OR51L1: variants seen among roughly 807,000 people sequenced by gnomAD.
OR51L1 encodes the protein olfactory receptor family 51 subfamily L member 1, also known as olfactory receptor 51L1.
In OR51L1, 1 loss-of-function variant was observed where a neutral mutation model predicts 1.4. The ratio of observed to expected loss-of-function variants is 0.72; its 90% CI spans 0.26 to 3.42. The LOEUF is 3.42. OR51L1 is among the 30% of genes most tolerant of loss of function. The pLI is 0.20. For missense variants in OR51L1, 378 were observed against 380.0 expected (o/e 0.99, Z 0.04); for synonymous variants, 156 against 144.2 (o/e 1.08, Z -0.59).
intron 2 of OR51L1, among the ~76,000 whole-genome samples, 173 bp downstream of exon 2, chr11:4,997,756 T>C (rs990425016): frequency 6.6e-6 from 1 of 152,174 alleles, no homozygotes; most frequent in Non-Finnish European, 1.5e-5. Context: ...AAGGAGGCTA[T>C]TACAATAACA....
At position 4,995,256 on chromosome 11, in the gene OR51L1, T is replaced by A. The variant is rs1847058322; in HGVS notation, c.-341T>A. 1.3e-5 allele frequency: 2 copies of A among 152,228 alleles called. No homozygotes were observed. Among genetic ancestry groups the A allele is most frequent in the Non-Finnish European group, 2.9e-5 (2 of 67,980 alleles). The allele number at this position is 152,228 out of a possible 1,614,324, so 9.4% of individuals were successfully genotyped here. A position where few individuals can be genotyped will look rare whatever the true frequency, so the allele number is the denominator to read the frequency against. Reference sequence around the variant, plus strand: ...TAGTCAGAGAAAGACAAAATGGAACTGTGGATCATTTGAGAAATGGGCTAC... The same window carrying A: ...TAGTCAGAGAAAGACAAAATGGAACAGTGGATCATTTGAGAAATGGGCTAC... On this transcript the variant is annotated 5_prime_UTR_variant, in exon 1 of 3. Transcript: ENST00000641819.
rs1439395467 is a variant in OR51L1, at chr11:4,999,436, C to G, written c.454C>G (p.Leu152Val). 6.2e-7 allele frequency: 1 copy of G among 1,614,030 alleles called. No individual in the cohort carries two copies. The highest frequency in any genetic ancestry group is 1.7e-5 in the Admixed American group (1 of 60,004). The change falls in exon 3 of 3, where the codon CTA becomes GTA. Residue 152 changes from leucine (L) to valine (V), a missense_variant. Coordinates refer to ENST00000641819, the MANE Select transcript of OR51L1 (RefSeq NM_001004755.2). ...TGGCAAAATTGGTTTGGCCTGTTTG[C>G]TACGAAGCTTGGGAGTTGTACTTCC... Reference protein sequence around the residue: ...VIGKIGLACLLRSLGVVLPTP... With the variant: ...VIGKIGLACLVRSLGVVLPTP...
At position 5,004,783 on chromosome 11, in the gene OR51L1, C is replaced by T. The variant is rs1003761040; in HGVS notation, c.*4853C>T. The T allele has an allele frequency of 6.6e-5, 10 of 152,094 alleles. No individual in the cohort carries two copies. Among genetic ancestry groups the T allele is most frequent in the African/African-American group, 2.2e-4 (9 of 41,404 alleles). The allele number at this position is 152,094 out of a possible 1,614,324, so 9.4% of individuals were successfully genotyped here. A position where few individuals can be genotyped will look rare whatever the true frequency, so the allele number is the denominator to read the frequency against. ...CATTTGCTGATATTATCAATGATGT[C>T]CTTCTGTGTAATTTTTGAAAGTTGT... On this transcript the variant is annotated 3_prime_UTR_variant, in exon 3 of 3. Transcript: ENST00000641819.
intron 1 of OR51L1, among the ~76,000 whole-genome samples, chr11:4,996,388 A>G (rs1326113168): frequency 1.3e-5 from 2 of 152,110 alleles, no homozygotes; most frequent in East Asian, 3.8e-4. Context: ...TTACAAACAG[A>G]AATATTCCTG....
chr11:4,997,750 A>G (rs1251996642), intron 2 of OR51L1, among the ~76,000 whole-genome samples, 167 bp downstream of exon 2: 2 of 152,166 alleles, frequency 1.3e-5, no homozygotes, highest in Admixed American at 1.3e-4. Context: ...ACAGGCAAGG[A>G]GGCTATTACA....
At chr11:4,996,677 C>T (rs557204013) in intron 1 of OR51L1, among the ~76,000 whole-genome samples, 17 of 150,744 alleles carry the variant, frequency 1.1e-4, no homozygotes, top group Non-Finnish European at 2.2e-4. Context: ...TTCTTTTTTT[C>T]TCTTTCTTTC....
At position 4,999,210 on chromosome 11, in the gene OR51L1, C is replaced by G. The variant is rs1216562440; in HGVS notation, c.228C>G (p.Ser76=). Residue 76 remains serine (S), a synonymous_variant, in exon 3 of 3, where the codon TCC becomes TCG. Transcript: ENST00000641819. Reference sequence around the variant, plus strand: ...TAGCAGTGAATGACCTGGGGATGTCCCTGTCTACACTTCCCACCATGCTTG... The same window carrying G: ...TAGCAGTGAATGACCTGGGGATGTCGCTGTCTACACTTCCCACCATGCTTG... ...SILAVNDLGM[S]LSTLPTMLAV... 2 of 1,614,090 alleles carry G rather than the reference C, an allele frequency of 1.2e-6. No individual in the cohort carries two copies. Among genetic ancestry groups the G allele is most frequent in the Non-Finnish European group, 1.7e-6 (2 of 1,180,002 alleles).
rs1469311512 is a variant in OR51L1 at position 5,002,080 on chromosome 11, A to G, written c.*2150A>G. 1 of 152,204 alleles carries G rather than the reference A, an allele frequency of 6.6e-6. No individual in the cohort carries two copies. The highest frequency in any genetic ancestry group is 1.5e-5 in the Non-Finnish European group (1 of 68,036). The allele number at this position is 152,204 out of a possible 1,614,324, so 9.4% of individuals were successfully genotyped here. A position where few individuals can be genotyped will look rare whatever the true frequency, so the allele number is the denominator to read the frequency against. On this transcript the variant is annotated 3_prime_UTR_variant, in exon 3 of 3. Transcript: ENST00000641819. ...TCACTGTGCATTGTGAGTCAAATTCATTCTTGACCAGTTGAACACAGTTGG... is the reference window on the plus strand; with the variant it reads ...TCACTGTGCATTGTGAGTCAAATTCGTTCTTGACCAGTTGAACACAGTTGG...
rs1158835288 is a variant in OR51L1, at chr11:5,001,480, G to A, written c.*1550G>A. 2.0e-5 allele frequency: 3 copies of A among 152,152 alleles called. No homozygotes were observed. The highest frequency in any genetic ancestry group is 2.9e-5 in the Non-Finnish European group (2 of 68,032). The allele number at this position is 152,152 out of a possible 1,614,324, so 9.4% of individuals were successfully genotyped here. A position where few individuals can be genotyped will look rare whatever the true frequency, so the allele number is the denominator to read the frequency against. On this transcript the variant is annotated 3_prime_UTR_variant, in exon 3 of 3. Transcript: ENST00000641819. ...GTGTTGACTCTGTTCAATACTATAGGACAGGATTTTGTGTCTTAATTTGTG... is the reference window on the plus strand; with the variant it reads ...GTGTTGACTCTGTTCAATACTATAGAACAGGATTTTGTGTCTTAATTTGTG...
intron 1 of OR51L1, among the ~76,000 whole-genome samples, chr11:4,996,776 C>CTTTCTTTCTTTCATT (rs1847077138): frequency 1.9e-5 from 1 of 53,822 alleles, no homozygotes; most frequent in Admixed American, 2.4e-4. Context: ...TTTCATTTCT[C>CTTTCTTTCTTTCATT]TCTCTCTGTT....
In OR51L1 at chr11:4,999,041, CTGGACTGGAGTA is replaced by C; in HGVS notation, c.62_73del (p.Gly21_Tyr24del). The C allele has an allele frequency of 6.2e-7, 1 of 1,614,064 alleles. No individual in the cohort carries two copies. The highest frequency in any genetic ancestry group is 1.1e-5 in the South Asian group (1 of 91,078). ...CCCATATTTATCCTGAGGGGTTTTC[CTGGACTGGAGTA>C]TGTTCATTCTTGGCTCTCCATCCTC... On this transcript the variant is annotated inframe_deletion, in exon 3 of 3. Coordinates refer to ENST00000641819, the MANE Select transcript of OR51L1 (RefSeq NM_001004755.2).
rs775492437 is a variant in OR51L1 at position 4,999,299 on chromosome 11, T to G, written c.317T>G (p.Ile106Ser). The change falls in exon 3 of 3, where the codon ATC becomes AGC. Residue 106 changes from isoleucine to serine, a missense_variant. By Grantham distance (142) the Ile-to-Ser change is moderately radical. Coordinates refer to ENST00000641819, the MANE Select transcript of OR51L1 (RefSeq NM_001004755.2). ...GCTTGCTATGCTCAGCTGTTCTTCA[T>G]CCACACATTCACATTCCTGGAGTCC... is the stretch of plus-strand genomic sequence containing the variant. ...ASACYAQLFFIHTFTFLESSV... is the reference protein window; with the variant it reads ...ASACYAQLFFSHTFTFLESSV... The G allele has an allele frequency of 1.9e-6, 3 of 1,614,186 alleles. No homozygotes were observed. Among genetic ancestry groups the G allele is most frequent in the Non-Finnish European group, 2.5e-6 (3 of 1,180,022 alleles).
At position 5,005,026 on chromosome 11, in the gene OR51L1, G is replaced by C. The variant is rs1036799861; in HGVS notation, c.*5096G>C. On this transcript the variant is annotated 3_prime_UTR_variant, in exon 3 of 3. Coordinates refer to ENST00000641819, the MANE Select transcript of OR51L1 (RefSeq NM_001004755.2). ...AACACTCTCTTCCACATGAATAACT[G>C]TTACTAACATTATATATCAGCCAGA... The C allele has an allele frequency of 2.0e-5, 3 of 152,138 alleles. No homozygotes were observed. Among genetic ancestry groups the C allele is most frequent in the African/African-American group, 7.2e-5 (3 of 41,430 alleles). 9.4% of individuals were successfully genotyped at this position (152,138 alleles called of 1,614,324 possible).
At chr11:4,996,721 T>TTTTCTTTTCTTC (rs773262061) in intron 1 of OR51L1, among the ~76,000 whole-genome samples, 4 of 106,276 alleles carry the variant, frequency 3.8e-5, no homozygotes, top group African/African-American at 1.4e-4. Flanking sequence ...CTTTCTTTTC[T>TTTTCTTTTCTTC]TTTCTTTCTT....
intron 1 of OR51L1, among the ~76,000 whole-genome samples, chr11:4,996,671 T>G (rs1301785451): frequency 6.6e-6 from 1 of 151,938 alleles, no homozygotes. Flanking sequence ...TTCTTTTTCT[T>G]TTTTTCTCTT....
Position 5,002,560 on chromosome 11 carries a change from T to A in OR51L1, c.*2630T>A, listed in dbSNP as rs1023764928. 1.3e-5 allele frequency: 2 copies of A among 150,304 alleles called. No individual in the cohort carries two copies. The highest frequency in any genetic ancestry group is 3.0e-5 in the Non-Finnish European group (2 of 67,428). The allele number at this position is 150,304 out of a possible 1,614,324, so 9.3% of individuals were successfully genotyped here. On this transcript the variant is annotated 3_prime_UTR_variant, in exon 3 of 3. Coordinates refer to ENST00000641819, the MANE Select transcript of OR51L1 (RefSeq NM_001004755.2). ...AGAAAGCCTTCAATTTTTTTTTTTT[T>A]ACCTTTTCAGGAATTGCCTCAGCTG...
In OR51L1 at chr11:4,999,279, C is replaced by T. The variant is rs11035066; in HGVS notation, c.297C>T (p.Cys99=). The change falls in exon 3 of 3, where the codon TGC becomes TGT. Residue 99 remains cysteine, a synonymous_variant. Transcript: ENST00000641819. ...LDAPEIQASA[C]YAQLFFIHTF... ...CTCCAGAGATCCAGGCAAGTGCTTG[C>T]TATGCTCAGCTGTTCTTCATCCACA... 0.28 allele frequency: 458,925 copies of T among 1,613,778 alleles called. 67,644 individuals carry two copies. The highest frequency in any genetic ancestry group is 0.31 in the African/African-American group (23,126 of 74,908).
In OR51L1 at chr11:5,000,506, C is replaced by G. The variant is rs1466419571; in HGVS notation, c.*576C>G. 1 of 152,408 alleles carries G rather than the reference C, an allele frequency of 6.6e-6. No homozygotes were observed. Among genetic ancestry groups the G allele is most frequent in the Non-Finnish European group, 1.5e-5 (1 of 68,236 alleles). 9.4% of individuals were successfully genotyped at this position (152,408 alleles called of 1,614,324 possible). A position where few individuals can be genotyped will look rare whatever the true frequency, so the allele number is the denominator to read the frequency against. On this transcript the variant is annotated 3_prime_UTR_variant, in exon 3 of 3. Coordinates refer to ENST00000641819, the MANE Select transcript of OR51L1 (RefSeq NM_001004755.2). ...CATCACTTAGTGATGTGTCCTTTCT[C>G]TCATTGCTATTCTAGATCTATCAGC...
rs982726710 is a variant in OR51L1, at chr11:5,003,968, G to A, written c.*4038G>A. 1.3e-5 allele frequency: 2 copies of A among 152,048 alleles called. No individual in the cohort carries two copies. The highest frequency in any genetic ancestry group is 2.4e-5 in the African/African-American group (1 of 41,402). 9.4% of individuals were successfully genotyped at this position (152,048 alleles called of 1,614,324 possible). On this transcript the variant is annotated 3_prime_UTR_variant, in exon 3 of 3. Transcript: ENST00000641819. ...TGCCTATTCTGTCATTCAGGATCCA[G>A]TAAGAAGACAAAAATCACACAGTAA...
Sources: gnomAD v4.1 joint callset for allele counts (sites outside exome capture counted in the v4.1 genomes callset) on GRCh38, gnomAD v4.1.1 for gene constraint, MANE v1.5 for transcripts, NCBI Gene and HGNC (gene_info 2026-07-23, HGNC 2026-07-21) for gene names.